The following TMEM67 variants were observed in gnomAD, a reference collection of about 807,000 sequenced individuals.
TMEM67 encodes transmembrane protein 67, also known as meckelin.
In TMEM67, 124 loss-of-function variants were observed where a neutral mutation model predicts 136.6. The observed-to-expected ratio is 0.91, with a 90% CI of 0.78 to 1.05. The LOEUF (loss-of-function observed/expected upper bound fraction) is 1.05, where lower values mean the gene tolerates loss of function less well. TMEM67 is among the 50% of genes least tolerant of loss of function. The probability of loss-of-function intolerance (pLI) is 0.00; values close to 1 mark genes in which losing one functional copy is unlikely to be tolerated. For missense variants in TMEM67, 1,107 were observed against 1,178.4 expected, an observed-to-expected ratio of 0.94 and a Z score of 0.89; for synonymous variants, 364 against 390.5, an observed-to-expected ratio of 0.93 and a Z score of 0.80.
intron 22 of TMEM67, 22 bp from the exon 23 acceptor site, chr8:93,804,740 T>G: frequency 7.0e-7 from 1 of 1,418,914 alleles, no homozygotes; most frequent in Non-Finnish European, 9.9e-7. Context: ...GCTATTTGCT[T>G]CTTTTTATTC....
At chr8:93,808,793 A>G (rs773541852) in intron 23 of TMEM67, 47 bp from the exon 24 acceptor site, 1 of 1,269,858 alleles carries the variant, frequency 7.9e-7, no homozygotes, top group East Asian at 2.3e-5. Context: ...TTGAGGCAGG[A>G]AATTTTTTAT....
chr8:93,765,909 A>G (rs1813063252), intron 6 of TMEM67, among the ~76,000 whole-genome samples: 1 of 152,192 alleles, frequency 6.6e-6, no homozygotes, highest in Admixed American at 6.5e-5. Context: ...TATAGGATGC[A>G]GTATAATACA....
intron 26 of TMEM67, among the ~76,000 whole-genome samples, chr8:93,814,299 G>A (rs544765001): frequency 1.1e-4 from 17 of 151,446 alleles, no homozygotes; most frequent in Middle Eastern, 3.4e-3. Flanking sequence ...GCCACCATGC[G>A]TGGCTAATTT....
At position 93,754,909 on chromosome 8, in the gene TMEM67, G is replaced by A. The variant is rs954190687; in HGVS notation, c.-6G>A. On this transcript the variant is annotated 5_prime_UTR_variant, in exon 1 of 28. Transcript: ENST00000453321. The stretch of plus-strand genomic sequence containing the variant: ...TGGAGGCTGTGAGGCTTCCAGCGTC[G>A]GTACCATGGCGACGCGCGGTGGGGC... 1.2e-6 allele frequency: 2 copies of A among 1,613,202 alleles called. No homozygotes were observed. Among genetic ancestry groups the A allele is most frequent in the African/African-American group, 1.3e-5 (1 of 74,898 alleles).
At chr8:93,804,994 A>T (rs1298770006) in intron 23 of TMEM67, 116 bp downstream of exon 23, 4 of 677,450 alleles carry the variant, frequency 5.9e-6, no homozygotes, top group East Asian at 5.7e-5. Context: ...TCTTTTTGAG[A>T]TGGAGTCTCC....
chr8:93,765,298 G>C (rs1251687373), intron 4 of TMEM67, 108 bp from the exon 5 acceptor site: 7 of 829,894 alleles, frequency 8.4e-6, no homozygotes, highest in Non-Finnish European at 9.8e-6. Flanking sequence ...TTACATAATT[G>C]CTTACTGAAT....
intron 27 of TMEM67, among the ~76,000 whole-genome samples, chr8:93,815,767 C>T (rs901036199): frequency 2.0e-5 from 3 of 152,192 alleles, no homozygotes; most frequent in African/African-American, 7.2e-5. Context: ...CCCATCCACC[C>T]TCTCCAGACG....
chr8:93,780,983 G>A lies in TMEM67; in HGVS notation c.978+1G>A, dbSNP rs1563458773. The A allele has an allele frequency of 2.6e-6, 4 of 1,543,718 alleles. No homozygotes were observed. The highest frequency in any genetic ancestry group is 1.1e-5 in the South Asian group (1 of 89,578). ...TTTCAGTTTTAAAGGAGAAAACCAGGTAAAAGTGTCTAATATCATTAGAGG... is the reference window on the plus strand; with the variant it reads ...TTTCAGTTTTAAAGGAGAAAACCAGATAAAAGTGTCTAATATCATTAGAGG... On this transcript the variant is annotated splice_donor_variant, in intron 9 of 27. Coordinates refer to ENST00000453321, the MANE Select transcript of TMEM67 (RefSeq NM_153704.6). LOFTEE classifies it high-confidence loss of function.
intron 3 of TMEM67, chr8:93,762,824 G>T: frequency 3.5e-6 from 1 of 286,358 alleles, no homozygotes; most frequent in Non-Finnish European, 7.3e-6. Flanking sequence ...GGAAACATAA[G>T]TGGTATGTTT....
At chr8:93,780,822 A>C (rs531748634) in intron 8 of TMEM67, 52 bp from the exon 9 acceptor site, 27 of 1,588,384 alleles carry the variant, frequency 1.7e-5, no homozygotes, top group Middle Eastern at 2.1e-4. Flanking sequence ...ACAAATACTA[A>C]TAATAAGAAA....
chr8:93,763,894 T>G lies in TMEM67; in HGVS notation c.459T>G (p.Cys153Trp). 1 of 1,613,944 alleles carries G rather than the reference T, an allele frequency of 6.2e-7. No homozygotes were observed. Among genetic ancestry groups the G allele is most frequent in the Non-Finnish European group, 8.5e-7 (1 of 1,179,886 alleles). Residue 153 changes from cysteine (C) to tryptophan (W), a missense_variant, in exon 4 of 28, where the codon TGT becomes TGG. Physicochemically the swap from Cys to Trp is radical, Grantham distance 215. Transcript: ENST00000453321. ...TGTCTCAAGCAACTTGTGAGCTCTGTGATGGAAATGAAAACTCTTTTATGG... is the reference window on the plus strand; with the variant it reads ...TGTCTCAAGCAACTTGTGAGCTCTGGGATGGAAATGAAAACTCTTTTATGG... Reference protein sequence around the residue: ...TLLSQATCELCDGNENSFMVV... With the variant: ...TLLSQATCELWDGNENSFMVV...
chr8:93,789,663 TATA>T (rs1365703283), intron 14 of TMEM67, among the ~76,000 whole-genome samples: 4 of 33,734 alleles, frequency 1.2e-4, no homozygotes, highest in African/African-American at 2.1e-4. Flanking sequence ...TATATATATA[TATA>T]TATATTTTTT....
Position 93,793,235 on chromosome 8 carries a change from C to T in TMEM67, c.1613C>T (p.Ala538Val). 6.2e-7 allele frequency: 1 copy of T among 1,614,104 alleles called. No homozygotes were observed. Among genetic ancestry groups the T allele is most frequent in the Non-Finnish European group, 8.5e-7 (1 of 1,179,996 alleles). Residue 538 changes from alanine to valine, a missense_variant, in exon 16 of 28, where the codon GCA becomes GTA. Transcript: ENST00000453321. ...LGVLGGLAVLASLLKTAGWKR... is the reference protein window; with the variant it reads ...LGVLGGLAVLVSLLKTAGWKR... The stretch of plus-strand genomic sequence containing the variant: ...GTATTGGGTGGGCTAGCTGTTTTAG[C>T]ATCTCTTTTGAAGACAGCAGGATGG...
chr8:93,803,077 T>C (rs936534529), intron 21 of TMEM67, among the ~76,000 whole-genome samples: 1 of 152,204 alleles, frequency 6.6e-6, no homozygotes, highest in Non-Finnish European at 1.5e-5. Flanking sequence ...ATGTAAAATT[T>C]TTATTTATAA....
the TMEM67 span, among the ~76,000 whole-genome samples, chr8:93,828,921 T>C: frequency 6.6e-6 from 1 of 152,236 alleles, no homozygotes; most frequent in Non-Finnish European, 1.5e-5. Flanking sequence ...ATGTTAACAC[T>C]AGTTGTTTTA....
chr8:93,774,273 G>A (rs1359289784), intron 7 of TMEM67, among the ~76,000 whole-genome samples: 3 of 152,088 alleles, frequency 2.0e-5, no homozygotes, highest in African/African-American at 4.8e-5. Context: ...CCTTGACCTC[G>A]CAAAGTGCTG....
At chr8:93,755,350 A>G (rs1812521653) in intron 1 of TMEM67, among the ~76,000 whole-genome samples, 1 of 152,216 alleles carries the variant, frequency 6.6e-6, no homozygotes, top group African/African-American at 2.4e-5. Flanking sequence ...AGTGACGTAG[A>G]AATGTAAAAT....
chr8:93,819,357 A>G (rs1211525491), downstream of TMEM67: 1 of 355,094 alleles, frequency 2.8e-6, no homozygotes. Context: ...AAAACATAAA[A>G]GAAGACAACA....
Position 93,809,881 on chromosome 8 carries a change from T to TA in TMEM67, c.2759dup (p.Tyr920Ter), listed in dbSNP as rs1228731181. The change falls in exon 26 of 28, where the codon TAC (tyrosine) becomes TAAC (stop). Residue 920 changes from tyrosine to a stop codon, truncating the protein, a stop_gained and frameshift_variant. Coordinates refer to ENST00000453321, the MANE Select transcript of TMEM67 (RefSeq NM_153704.6). LOFTEE classifies it high-confidence loss of function. ...FMEPMEKSIF[Y>*]NDEGYSFSSV... Reference sequence around the variant, plus strand: ...GGAACCAATGGAAAAAAGCATCTTTTACAATGGTATCTTCTAAATCCCTTT... The same window carrying TA: ...GGAACCAATGGAAAAAAGCATCTTTTAACAATGGTATCTTCTAAATCCCTTT... 1 of 1,589,594 alleles carries TA rather than the reference T, an allele frequency of 6.3e-7. No individual in the cohort carries two copies. Among genetic ancestry groups the TA allele is most frequent in the African/African-American group, 1.3e-5 (1 of 74,482 alleles).
Sources: allele counts gnomAD v4.1 joint callset (sites outside exome capture counted in the v4.1 genomes callset), GRCh38; gene constraint gnomAD v4.1.1; transcripts MANE v1.5; gene names NCBI Gene and HGNC (gene_info 2026-07-23, HGNC 2026-07-21).